The following ELOVL5 variants were observed in gnomAD, a reference collection of about 807,000 sequenced individuals.
ELOVL5 encodes the protein ELOVL fatty acid elongase 5.
Under a neutral mutation model 38.6 loss-of-function variants are expected in ELOVL5, and 8 were observed. That is an observed-to-expected ratio of 0.21 (90% CI 0.12 to 0.37). The LOEUF (loss-of-function observed/expected upper bound fraction) is 0.37. Ranked by LOEUF, ELOVL5 falls within the 10% of genes least tolerant of loss-of-function variation. ELOVL5 has a pLI of 1.00. For missense variants in ELOVL5, 280 were observed against 367.8 expected (o/e 0.76, Z 1.95); for synonymous variants, 127 against 133.7 (o/e 0.95, Z 0.34).
chr6:53,345,302 G>A (rs994451904), intron 1 of ELOVL5, among the ~76,000 whole-genome samples: 3 of 152,142 alleles, frequency 2.0e-5, no homozygotes, highest in Non-Finnish European at 2.9e-5. Context: ...GGACTTTTCA[G>A]GTCAGATGCA....
At chr6:53,324,326 T>C (rs1345400288) in intron 1 of ELOVL5, among the ~76,000 whole-genome samples, 20 of 151,090 alleles carry the variant, frequency 1.3e-4, no homozygotes. Flanking sequence ...TGGATATTGA[T>C]TACATAAGTT....
At chr6:53,275,526 G>C (rs549307631) in intron 4 of ELOVL5, among the ~76,000 whole-genome samples, 3 of 152,278 alleles carry the variant, frequency 2.0e-5, no homozygotes, top group Admixed American at 2.0e-4. Flanking sequence ...GACACTCTTT[G>C]AGACTAACAA....
chr6:53,302,656 G>C (rs1034940099), intron 1 of ELOVL5, among the ~76,000 whole-genome samples: 5 of 136,900 alleles, frequency 3.7e-5, no homozygotes, highest in African/African-American at 9.9e-5. Context: ...TTATAGTAAA[G>C]AGTTGGTATA....
chr6:53,313,875 C>A (rs1767935372), intron 1 of ELOVL5, among the ~76,000 whole-genome samples: 1 of 152,196 alleles, frequency 6.6e-6, no homozygotes, highest in South Asian at 2.1e-4. Context: ...GATGCCACCA[C>A]GCTTGTGCTC....
chr6:53,341,485 G>A (rs1056454260), intron 1 of ELOVL5, among the ~76,000 whole-genome samples: 2 of 152,234 alleles, frequency 1.3e-5, no homozygotes, highest in Admixed American at 1.3e-4. Flanking sequence ...CCTACTAGCT[G>A]TGGATATTTG....
At chr6:53,334,162 T>TA (rs1768937001) in intron 1 of ELOVL5, among the ~76,000 whole-genome samples, 1 of 152,166 alleles carries the variant, frequency 6.6e-6, no homozygotes, top group Admixed American at 6.5e-5. Context: ...ACTGACATTT[T>TA]AAAAACAGAA....
chr6:53,332,242 C>T (rs896821021), intron 1 of ELOVL5, among the ~76,000 whole-genome samples: 6 of 152,144 alleles, frequency 3.9e-5, no homozygotes, highest in African/African-American at 1.4e-4. Flanking sequence ...CCTACTAACT[C>T]GTCAAGTTAC....
chr6:53,286,429 G>A (rs189419578), intron 3 of ELOVL5, among the ~76,000 whole-genome samples: 66 of 152,220 alleles, frequency 4.3e-4, no homozygotes, highest in Middle Eastern at 3.4e-3. Context: ...CAGGCATGGT[G>A]GCACATGCCT....
At chr6:53,335,361 T>C (rs570271753) in intron 1 of ELOVL5, among the ~76,000 whole-genome samples, 106 of 152,336 alleles carry the variant, frequency 7.0e-4, no homozygotes, top group Non-Finnish European at 1.2e-3. Context: ...CCTGGTCTAC[T>C]TTCTGTTCCT....
At chr6:53,317,926 T>C (rs1768126706) in intron 1 of ELOVL5, among the ~76,000 whole-genome samples, 1 of 152,204 alleles carries the variant, frequency 6.6e-6, no homozygotes, top group Non-Finnish European at 1.5e-5. Flanking sequence ...GTCCTTTTCT[T>C]TGCAGAACAT....
intron 3 of ELOVL5, among the ~76,000 whole-genome samples, chr6:53,278,441 T>A (rs771413621): frequency 2.6e-5 from 4 of 152,210 alleles, no homozygotes; most frequent in Non-Finnish European, 4.4e-5. Flanking sequence ...GAAGGGACTC[T>A]TGGACACAGG....
chr6:53,319,631 C>T (rs1028273408), intron 1 of ELOVL5, among the ~76,000 whole-genome samples: 4 of 151,980 alleles, frequency 2.6e-5, no homozygotes, highest in African/African-American at 9.7e-5. Context: ...AATTAATATT[C>T]CCTATTTCCT....
intron 1 of ELOVL5, among the ~76,000 whole-genome samples, chr6:53,313,808 G>C (rs535775462): frequency 6.6e-6 from 1 of 152,170 alleles, no homozygotes; most frequent in Non-Finnish European, 1.5e-5. Flanking sequence ...GCAAAAAAGG[G>C]TTAAGCAGCA....
At chr6:53,326,659 C>T (rs937085796) in intron 1 of ELOVL5, among the ~76,000 whole-genome samples, 1 of 152,192 alleles carries the variant, frequency 6.6e-6, no homozygotes, top group Admixed American at 6.5e-5. Context: ...TCTAATCATA[C>T]TCCAAATACA....
chr6:53,289,052 TCAAA>T (rs1216883648), intron 3 of ELOVL5, among the ~76,000 whole-genome samples: 1 of 151,910 alleles, frequency 6.6e-6, no homozygotes, highest in Non-Finnish European at 1.5e-5. Context: ...AGACTCTGTC[TCAAA>T]CAAACAAAAA....
chr6:53,347,234 A>C (rs1359886281), intron 1 of ELOVL5, among the ~76,000 whole-genome samples: 1 of 131,898 alleles, frequency 7.6e-6, no homozygotes, highest in East Asian at 2.3e-4. Context: ...AAAAAGAGAA[A>C]CAGTACAGAA....
intron 1 of ELOVL5, among the ~76,000 whole-genome samples, chr6:53,344,516 T>C (rs1769456635): frequency 6.6e-6 from 1 of 152,188 alleles, no homozygotes; most frequent in African/African-American, 2.4e-5. Context: ...CCAAACACCT[T>C]AGGAGACGGA....
chr6:53,296,955 A>T (rs963954866), intron 1 of ELOVL5, among the ~76,000 whole-genome samples: 1 of 152,254 alleles, frequency 6.6e-6, no homozygotes, highest in Admixed American at 6.5e-5. Flanking sequence ...TACTTTATCC[A>T]CGAAATCATC....
At chr6:53,307,421 A>G (rs1369303408) in intron 1 of ELOVL5, among the ~76,000 whole-genome samples, 1 of 152,224 alleles carries the variant, frequency 6.6e-6, no homozygotes, top group Non-Finnish European at 1.5e-5. Context: ...ATGTGATTAA[A>G]TGAGTTAAGA....
Sources: gnomAD v4.1 joint callset for allele counts (sites outside exome capture counted in the v4.1 genomes callset) on GRCh38, gnomAD v4.1.1 for gene constraint, MANE v1.5 for transcripts, NCBI Gene and HGNC (gene_info 2026-07-23, HGNC 2026-07-21) for gene names.